The following SLC39A12 variants were observed in gnomAD, a reference collection of about 807,000 sequenced individuals.
SLC39A12 encodes zinc transporter ZIP12.
In SLC39A12, 63 loss-of-function variants were observed where a neutral mutation model predicts 71.1. The observed-to-expected ratio is 0.89, with a 90% confidence interval of 0.72 to 1.09. The LOEUF is 1.09. Among genes scored for constraint, SLC39A12 ranks in the 50% least tolerant of loss-of-function variants. The pLI, the probability that SLC39A12 is intolerant of heterozygous loss-of-function variation, is 0.00. For synonymous variants in SLC39A12, 351 were observed against 301.3 expected, an observed-to-expected ratio of 1.16 and a Z score of -1.71; for missense variants, 892 against 812.6, an observed-to-expected ratio of 1.10 and a Z score of -1.19.
intron 12 of SLC39A12, among the ~76,000 whole-genome samples, chr10:18,041,827 GTACA>G (rs970012860): frequency 5.0e-5 from 7 of 139,340 alleles, no homozygotes; most frequent in South Asian, 4.4e-4. Context: ...GTATATGTAT[GTACA>G]TACATATGTA....
At chr10:17,987,723 A>T (rs545634974) in intron 7 of SLC39A12, 72 bp downstream of exon 7, 1 of 1,524,826 alleles carries the variant, frequency 6.6e-7, no homozygotes, top group South Asian at 1.2e-5. Context: ...GGAGGTATTT[A>T]TGCAAAATTT....
At chr10:17,983,148 G>T (rs1207461625) in intron 6 of SLC39A12, among the ~76,000 whole-genome samples, 1 of 114,072 alleles carries the variant, frequency 8.8e-6, no homozygotes, top group Non-Finnish European at 1.6e-5. Flanking sequence ...CAGCCTGGGC[G>T]ACAAAGCGAG....
chr10:18,039,027 A>G (rs1031423803), intron 12 of SLC39A12, among the ~76,000 whole-genome samples: 2 of 152,232 alleles, frequency 1.3e-5, no homozygotes, highest in Non-Finnish European at 2.9e-5. Context: ...CACTCAAAAT[A>G]ATCGTGATGG....
Position 17,991,435 on chromosome 10 carries a change from G to T in SLC39A12, c.1422+132G>T, listed in dbSNP as rs558448688. On this transcript the variant is annotated intron_variant, in intron 8 of 12. Coordinates refer to ENST00000377369, the MANE Select transcript of SLC39A12 (RefSeq NM_001145195.2). The stretch of plus-strand genomic sequence containing the variant: ...ATGTCTAATGGAATGCTGATTTCAA[G>T]AATACACAGCTCCTTCTAATAGGAT... 6.0e-4 allele frequency: 372 copies of T among 616,422 alleles called. 1 individual carries two copies. Among genetic ancestry groups the T allele is most frequent in the Middle Eastern group, 9.1e-4 (2 of 2,190 alleles). 38.2% of individuals were successfully genotyped at this position (616,422 alleles called of 1,614,324 possible).
chr10:17,957,005 C>G (rs531095199), intron 2 of SLC39A12, among the ~76,000 whole-genome samples: 1 of 152,168 alleles, frequency 6.6e-6, no homozygotes, highest in South Asian at 2.1e-4. Flanking sequence ...TTAGCCACCC[C>G]CCACCTCCGG....
At position 17,997,002 on chromosome 10, in the gene SLC39A12, AAC is replaced by A. The variant is rs1158558971; in HGVS notation, c.1600+1282_1600+1283del. 3.5e-5 allele frequency among the ~76,000 whole-genome samples: 5 copies of A among 144,268 alleles called. No homozygotes were observed. The East Asian group carries it at 1.0e-3, about 29-fold the overall frequency. 94.6% of individuals were successfully genotyped at this position (144,268 alleles called of 152,430 possible). A position where few individuals can be genotyped will look rare whatever the true frequency, so the allele number is the denominator to read the frequency against. On this transcript the variant is annotated intron_variant, in intron 10 of 12. Coordinates refer to ENST00000377369, the MANE Select transcript of SLC39A12 (RefSeq NM_001145195.2). ...TGCACTCCAGCACTCTAGTCTGTGC[AAC>A]AGAGTGAGACTCCGTCTCAAAAAAA...
Position 17,965,599 on chromosome 10 carries a change from TTGTC to T in SLC39A12, c.663_666del (p.Cys221TrpfsTer20). 1 of 1,614,196 alleles carries T rather than the reference TTGTC, an allele frequency of 6.2e-7. No individual in the cohort carries two copies. The highest frequency in any genetic ancestry group is 8.5e-7 in the Non-Finnish European group (1 of 1,180,010). ...TCATTACTTTGTCCCTCCAGGGTGT[TTGTC>T]TGGGACAAGGAAACTTGCCTTCCCC... On this transcript the variant is annotated frameshift_variant, in exon 4 of 13. Coordinates refer to ENST00000377369, the MANE Select transcript of SLC39A12 (RefSeq NM_001145195.2). LOFTEE classifies it high-confidence loss of function.
intron 12 of SLC39A12, among the ~76,000 whole-genome samples, chr10:18,036,781 TATATATATATA>T (rs1430378886): frequency 0.041 from 582 of 14,162 alleles, 63 homozygotes; most frequent in African/African-American, 0.1. Flanking sequence ...TATATATATA[TATATATATATA>T]TATTTTTTTT....
At chr10:17,981,608 A>C in intron 6 of SLC39A12, 125 bp downstream of exon 6, 1 of 725,690 alleles carries the variant, frequency 1.4e-6, no homozygotes, top group Non-Finnish European at 2.1e-6. Flanking sequence ...AGCTCATTTA[A>C]TCCTCCTAAC....
intron 2 of SLC39A12, among the ~76,000 whole-genome samples, chr10:17,959,419 G>C (rs1349384162): frequency 6.6e-6 from 1 of 152,094 alleles, no homozygotes; most frequent in Non-Finnish European, 1.5e-5. Flanking sequence ...CTTTGATTTG[G>C]AGATGGATGA....
intron 4 of SLC39A12, among the ~76,000 whole-genome samples, chr10:17,975,476 A>T (rs1203463463): frequency 6.6e-6 from 1 of 152,110 alleles, no homozygotes; most frequent in African/African-American, 2.4e-5. Flanking sequence ...GAGAGCTAGG[A>T]CCTGGAAACA....
At chr10:17,995,507 G>A in intron 9 of SLC39A12, 149 bp from the exon 10 acceptor site, 1 of 657,312 alleles carries the variant, frequency 1.5e-6, no homozygotes, top group East Asian at 2.8e-5. Flanking sequence ...GCTCTACATT[G>A]TGTGTGTCTA....
At chr10:18,009,147 C>G (rs1489939062) in intron 12 of SLC39A12, among the ~76,000 whole-genome samples, 1 of 152,002 alleles carries the variant, frequency 6.6e-6, no homozygotes, top group African/African-American at 2.4e-5. Flanking sequence ...GGCATTTTTC[C>G]TAGGGTTTTT....
chr10:18,029,153 G>C (rs1836766006), intron 12 of SLC39A12, among the ~76,000 whole-genome samples: 1 of 152,116 alleles, frequency 6.6e-6, no homozygotes, highest in Admixed American at 6.5e-5. Context: ...TTACAGGCGT[G>C]AGCCACCGTG....
chr10:18,013,879 A>G (rs1325933548), intron 12 of SLC39A12, among the ~76,000 whole-genome samples: 2 of 152,148 alleles, frequency 1.3e-5, no homozygotes, highest in Non-Finnish European at 2.9e-5. Context: ...GTTTTGTAGT[A>G]AGTTTTGAAA....
chr10:17,961,631 T>C lies in SLC39A12; in HGVS notation c.312T>C (p.Asp104=). 3 of 1,613,956 alleles carry C rather than the reference T, an allele frequency of 1.9e-6. No individual in the cohort carries two copies. Among genetic ancestry groups the C allele is most frequent in the African/African-American group, 1.3e-5 (1 of 75,036 alleles). Residue 104 remains aspartate (D), a synonymous_variant, in exon 3 of 13, where the codon GAT becomes GAC. Transcript: ENST00000377369. ...LLLIAGGNFE[D]QLREEVVQRV... ...TAATAGCTGGAGGAAATTTTGAAGATCAGCTTAGAGAAGAAGTGGTCCAGA... is the reference window on the plus strand; with the variant it reads ...TAATAGCTGGAGGAAATTTTGAAGACCAGCTTAGAGAAGAAGTGGTCCAGA...
At chr10:17,960,214 G>A (rs923107941) in intron 2 of SLC39A12, among the ~76,000 whole-genome samples, 15 of 152,144 alleles carry the variant, frequency 9.9e-5, no homozygotes, top group Admixed American at 2.6e-4. Flanking sequence ...AGTAAAGTTC[G>A]TTTGTATAGG....
chr10:18,041,352 C>T (rs981171577), intron 12 of SLC39A12, among the ~76,000 whole-genome samples: 3 of 151,416 alleles, frequency 2.0e-5, no homozygotes, highest in African/African-American at 7.3e-5. Context: ...AAAAATTAGC[C>T]GAGTGTGGCA....
chr10:17,957,832 A>G (rs1834588273), intron 2 of SLC39A12, among the ~76,000 whole-genome samples: 1 of 152,216 alleles, frequency 6.6e-6, no homozygotes. Context: ...CTGTATTAAA[A>G]TAAATTCTTT....
Sources: allele counts gnomAD v4.1 joint callset (sites outside exome capture counted in the v4.1 genomes callset), GRCh38; gene constraint gnomAD v4.1.1; transcripts MANE v1.5; gene names NCBI Gene and HGNC (gene_info 2026-07-23, HGNC 2026-07-21).